The following EPHA6 variants were observed in gnomAD, a reference collection of about 807,000 sequenced individuals.
EPHA6 encodes the protein EPH receptor A6.
EPHA6 carries 50 observed loss-of-function variants against 112.0 expected under a neutral mutation model. That is an observed-to-expected ratio of 0.45 (90% CI 0.36 to 0.56). EPHA6 has a LOEUF of 0.56. Ranked by LOEUF, EPHA6 falls within the 20% of genes least tolerant of loss-of-function variation. EPHA6 has a pLI of 0.00. For missense variants in EPHA6, 1,280 were observed against 1,417.4 expected (o/e 0.90, Z 1.56); for synonymous variants, 529 against 490.7 (o/e 1.08, Z -1.03).
At chr3:97,745,306 G>C in intron 16 of EPHA6, 1 of 430,366 alleles carries the variant, frequency 2.3e-6, no homozygotes, top group Non-Finnish European at 4.6e-6. Context: ...GTATTTGTTG[G>C]TAGATGCTAT....
chr3:97,203,748 A>G (rs2077640218), intron 3 of EPHA6, among the ~76,000 whole-genome samples: 1 of 152,138 alleles, frequency 6.6e-6, no homozygotes, highest in South Asian at 2.1e-4. Flanking sequence ...TTATCTTTTG[A>G]AAGTCCTGTC....
At chr3:96,895,467 T>A (rs564942688) in intron 2 of EPHA6, among the ~76,000 whole-genome samples, 1 of 152,208 alleles carries the variant, frequency 6.6e-6, no homozygotes, top group Non-Finnish European at 1.5e-5. Flanking sequence ...AGAAAAAAAT[T>A]AAAATAAATT....
intron 5 of EPHA6, among the ~76,000 whole-genome samples, chr3:97,382,266 C>G (rs2085794692): frequency 6.6e-6 from 1 of 151,938 alleles, no homozygotes; most frequent in Non-Finnish European, 1.5e-5. Context: ...TTCATGAATT[C>G]TCTACTAAAA....
intron 14 of EPHA6, among the ~76,000 whole-genome samples, chr3:97,709,839 T>TC (rs377279110): frequency 5.8e-4 from 88 of 152,264 alleles, no homozygotes; most frequent in African/African-American, 2.0e-3. Context: ...ACTCTTACTC[T>TC]CTTCTGCCAC....
At chr3:97,270,864 A>G (rs1336022974) in intron 5 of EPHA6, among the ~76,000 whole-genome samples, 1 of 152,204 alleles carries the variant, frequency 6.6e-6, no homozygotes. Flanking sequence ...AGTAGTTATC[A>G]TTGTACAACA....
intron 3 of EPHA6, among the ~76,000 whole-genome samples, chr3:97,007,310 A>G (rs943328306): frequency 6.6e-6 from 1 of 152,180 alleles, no homozygotes; most frequent in Non-Finnish European, 1.5e-5. Flanking sequence ...ATATATATTC[A>G]GAATAGTTAG....
chr3:97,201,247 T>A (rs1190983053), intron 3 of EPHA6, among the ~76,000 whole-genome samples: 2 of 152,144 alleles, frequency 1.3e-5, no homozygotes, highest in East Asian at 3.9e-4. Flanking sequence ...CTCTAACGTG[T>A]CTTAACTTCA....
chr3:97,590,884 A>G (rs1288003445), intron 11 of EPHA6, among the ~76,000 whole-genome samples: 1 of 152,222 alleles, frequency 6.6e-6, no homozygotes, highest in Non-Finnish European at 1.5e-5. Flanking sequence ...TCAGAAAATG[A>G]TGAAACATTG....
intron 1 of EPHA6, among the ~76,000 whole-genome samples, chr3:96,856,099 G>A (rs556597003): frequency 1.3e-5 from 2 of 152,196 alleles, no homozygotes; most frequent in Non-Finnish European, 2.9e-5. Context: ...CATTAGCCGG[G>A]CATGATGGTG....
At chr3:97,572,697 GCTGGCTCA>G (rs2093346489) in intron 11 of EPHA6, 12 of 152,096 alleles carry the variant, frequency 7.9e-5, no homozygotes, top group Non-Finnish European at 1.8e-4. Context: ...CTGTCGTATA[GCTGGCTCA>G]GAAGAGACCA....
At chr3:96,958,017 T>C (rs1030302908) in intron 2 of EPHA6, among the ~76,000 whole-genome samples, 26 of 152,182 alleles carry the variant, frequency 1.7e-4, no homozygotes, top group Non-Finnish European at 3.4e-4. Flanking sequence ...GGCTGTACTT[T>C]GTATTTTCCA....
At chr3:97,656,315 T>A (rs2094137627) in intron 14 of EPHA6, among the ~76,000 whole-genome samples, 1 of 151,944 alleles carries the variant, frequency 6.6e-6, no homozygotes, top group Non-Finnish European at 1.5e-5. Flanking sequence ...TAAATATTAC[T>A]ACTACTGATT....
At chr3:97,566,421 T>C (rs1264580508) in intron 11 of EPHA6, among the ~76,000 whole-genome samples, 2 of 152,204 alleles carry the variant, frequency 1.3e-5, no homozygotes, top group African/African-American at 2.4e-5. Context: ...CTCAATTTCA[T>C]TGAGAAAACT....
chr3:97,468,765 T>G (rs2107432171), intron 7 of EPHA6, among the ~76,000 whole-genome samples: 1 of 151,810 alleles, frequency 6.6e-6, no homozygotes, highest in African/African-American at 2.4e-5. Context: ...GGGCATTTTA[T>G]CCTTATATTT....
chr3:97,320,410 G>C (rs1215412646), intron 5 of EPHA6, among the ~76,000 whole-genome samples: 3 of 151,654 alleles, frequency 2.0e-5, no homozygotes, highest in Non-Finnish European at 4.4e-5. Context: ...ATGTAATTGG[G>C]GGTCTGAAAT....
chr3:97,726,993 C>A (rs1467490603), intron 15 of EPHA6, among the ~76,000 whole-genome samples: 3 of 152,112 alleles, frequency 2.0e-5, no homozygotes, highest in Middle Eastern at 3.4e-3. Context: ...CGTTTTGTTT[C>A]TTTCCCCTGA....
intron 14 of EPHA6, among the ~76,000 whole-genome samples, chr3:97,719,109 G>T (rs1427521601): frequency 5.2e-5 from 1 of 19,144 alleles, no homozygotes; most frequent in Admixed American, 5.5e-4. Flanking sequence ...CACCCCCCCC[G>T]CCGCGGTAAG....
chr3:97,082,302 A>C (rs1444505976), intron 3 of EPHA6, among the ~76,000 whole-genome samples: 1 of 151,956 alleles, frequency 6.6e-6, no homozygotes, highest in Admixed American at 6.6e-5. Flanking sequence ...ATTGTTTATG[A>C]ATCAGATATG....
At chr3:97,648,055 A>C (rs2094079213) in intron 14 of EPHA6, among the ~76,000 whole-genome samples, 1 of 152,176 alleles carries the variant, frequency 6.6e-6, no homozygotes. Context: ...TCAAAGCAAA[A>C]TAGAAGAATC....
Sources: gnomAD v4.1 joint callset for allele counts (sites outside exome capture counted in the v4.1 genomes callset) on GRCh38, gnomAD v4.1.1 for gene constraint, MANE v1.5 for transcripts, NCBI Gene and HGNC (gene_info 2026-07-23, HGNC 2026-07-21) for gene names.